Variants in VGLL3 observed in about 807,000 individuals in gnomAD.
VGLL3 encodes the protein vestigial like family member 3.
In VGLL3, 18 loss-of-function variants were observed where a neutral mutation model predicts 29.2. That is an observed-to-expected ratio of 0.62 (90% CI 0.43 to 0.91). The LOEUF (loss-of-function observed/expected upper bound fraction) is 0.91. Among genes scored for constraint, VGLL3 ranks in the 40% least tolerant of loss-of-function variants. The pLI, the probability that VGLL3 is intolerant of heterozygous loss-of-function variation, is 0.00. For missense variants in VGLL3, 440 were observed against 413.2 expected (o/e 1.06, Z -0.56); for synonymous variants, 180 against 151.8 (o/e 1.19, Z -1.36).
chr3:86,964,218 C>G (rs548295808), intron 3 of VGLL3, among the ~76,000 whole-genome samples: 2 of 152,238 alleles, frequency 1.3e-5, no homozygotes, highest in South Asian at 4.2e-4. Context: ...TAAGTTTTGT[C>G]TATAGCTGTT....
intron 1 of VGLL3, among the ~76,000 whole-genome samples, chr3:86,981,582 T>A (rs908218280): frequency 1.1e-4 from 16 of 151,988 alleles, no homozygotes; most frequent in Non-Finnish European, 1.5e-5. Context: ...TTTAAAATAT[T>A]TATACTGATT....
At chr3:86,980,798 C>A in intron 1 of VGLL3, among the ~76,000 whole-genome samples, 1 of 150,824 alleles carries the variant, frequency 6.6e-6, no homozygotes, top group South Asian at 2.1e-4. Context: ...TGCACACACT[C>A]TCTGCTGAAT....
chr3:86,955,074 T>C (rs1005919243), intron 3 of VGLL3, among the ~76,000 whole-genome samples: 1 of 151,590 alleles, frequency 6.6e-6, no homozygotes. Flanking sequence ...AAACAGATAA[T>C]CCAATCAAAG....
intron 2 of VGLL3, among the ~76,000 whole-genome samples, chr3:86,971,927 C>T (rs746634027): frequency 2.6e-5 from 4 of 152,144 alleles, no homozygotes; most frequent in Non-Finnish European, 2.9e-5. Flanking sequence ...TTCCATCTCC[C>T]GAGGGGCTAG....
intron 3 of VGLL3, among the ~76,000 whole-genome samples, chr3:86,960,282 G>T (rs889896166): frequency 6.6e-6 from 1 of 151,900 alleles, no homozygotes; most frequent in Non-Finnish European, 1.5e-5. Context: ...TAGTTTACTG[G>T]CCTTAAACCA....
chr3:86,965,216 A>C (rs1448592835), intron 3 of VGLL3, among the ~76,000 whole-genome samples: 1 of 152,120 alleles, frequency 6.6e-6, no homozygotes, highest in Non-Finnish European at 1.5e-5. Context: ...TCTTCTCAAA[A>C]TAGTTGGTTT....
chr3:86,940,244 T>C lies in VGLL3; in HGVS notation c.*6780A>G, dbSNP rs1273052712. Reference sequence around the variant, plus strand: ...CTTGGAATTCTCTTTTCAATGTTAATGAATCGTAGAAAAGTTTTTGTTTGT... The same window carrying C: ...CTTGGAATTCTCTTTTCAATGTTAACGAATCGTAGAAAAGTTTTTGTTTGT... On this transcript the variant is annotated 3_prime_UTR_variant, in exon 4 of 4. Coordinates refer to ENST00000398399, the MANE Select transcript of VGLL3 (RefSeq NM_016206.4). 6.6e-6 allele frequency: 1 copy of C among 152,346 alleles called. No homozygotes were observed. The highest frequency in any genetic ancestry group is 1.5e-5 in the Non-Finnish European group (1 of 68,032). The allele number at this position is 152,346 out of a possible 1,614,324, so 9.4% of individuals were successfully genotyped here.
At chr3:86,974,789 C>T (rs184434970) in intron 2 of VGLL3, among the ~76,000 whole-genome samples, 2 of 152,246 alleles carry the variant, frequency 1.3e-5, no homozygotes, top group East Asian at 1.9e-4. Flanking sequence ...TCAGCAGTTC[C>T]TTTCTAAGCA....
Position 86,968,787 on chromosome 3 carries a change from T to C in VGLL3, c.740A>G (p.His247Arg), listed in dbSNP as rs1705018228. Reference protein sequence around the residue: ...HHRHRHHHHHHHPPAGSALDP... With the variant: ...HHRHRHHHHHRHPPAGSALDP... The stretch of plus-strand genomic sequence containing the variant: ...CAGGGCAGAGCCAGCAGGAGGGTGG[T>C]GATGGTGATGATGGTGGCGGTGGCG... Residue 247 changes from histidine to arginine, a missense_variant, in exon 3 of 4, where the codon CAC becomes CGC. Physicochemically the swap from His to Arg is conservative, Grantham distance 29 (BLOSUM62 0). Transcript: ENST00000398399. 1 of 1,613,566 alleles carries C rather than the reference T, an allele frequency of 6.2e-7. No individual in the cohort carries two copies.
At chr3:86,959,755 A>C (rs2106988598) in intron 3 of VGLL3, among the ~76,000 whole-genome samples, 1 of 152,290 alleles carries the variant, frequency 6.6e-6, no homozygotes, top group Admixed American at 6.5e-5. Context: ...TTAGTACCCC[A>C]ATGAAATTAA....
chr3:86,944,649 C>T lies in VGLL3; in HGVS notation c.*2375G>A, dbSNP rs931554677. ...TTCTCAGTTCCTCAGAGCCAATAAA[C>T]TTTTTGTCTGACAGTTACCGGGAGA... On this transcript the variant is annotated 3_prime_UTR_variant, in exon 4 of 4. Coordinates refer to ENST00000398399, the MANE Select transcript of VGLL3 (RefSeq NM_016206.4). 4 of 152,200 alleles carry T rather than the reference C, an allele frequency of 2.6e-5. No individual in the cohort carries two copies. The highest frequency in any genetic ancestry group is 5.9e-5 in the Non-Finnish European group (4 of 68,056). 9.4% of individuals were successfully genotyped at this position (152,200 alleles called of 1,614,324 possible). A position where few individuals can be genotyped will look rare whatever the true frequency, so the allele number is the denominator to read the frequency against.
chr3:86,988,640 CAAAAAAAAAAAAAAAAAAAAAA>C (rs869098443), intron 1 of VGLL3, among the ~76,000 whole-genome samples: 15 of 13,760 alleles, frequency 1.1e-3, no homozygotes, highest in East Asian at 4.5e-3. Flanking sequence ...TTTACTTGAC[CAAAAAAAAAAAAAAAAAAAAAA>C]AAAAAAAAAA....
intron 3 of VGLL3, among the ~76,000 whole-genome samples, chr3:86,966,946 AC>A (rs927866318): frequency 1.3e-4 from 19 of 150,816 alleles, no homozygotes; most frequent in Non-Finnish European, 2.5e-4. Context: ...GGGAACAAAA[AC>A]CCTCTTGTCT....
rs115223562 is a variant in VGLL3 at position 86,953,687 on chromosome 3, C to T, written c.938-6620G>A. On this transcript the variant is annotated intron_variant, in intron 3 of 3. Coordinates refer to ENST00000398399, the MANE Select transcript of VGLL3 (RefSeq NM_016206.4). ...ACTGTTAGTGAGGCTGGATATTGTCCGATTATGGCATTTATTCCTCTGTGT... is the reference window on the plus strand; with the variant it reads ...ACTGTTAGTGAGGCTGGATATTGTCTGATTATGGCATTTATTCCTCTGTGT... Among the ~76,000 whole-genome samples, 404 of 151,904 alleles carry T rather than the reference C, an allele frequency of 2.7e-3. 1 individual carries two copies. The highest frequency in any genetic ancestry group is 4.3e-3 in the Non-Finnish European group (290 of 67,936).
At chr3:86,989,165 A>G (rs1367070062) in intron 1 of VGLL3, among the ~76,000 whole-genome samples, 3 of 152,338 alleles carry the variant, frequency 2.0e-5, no homozygotes, top group Middle Eastern at 3.4e-3. Flanking sequence ...ATTTGAAACA[A>G]CTTCTACTAG....
chr3:86,946,088 AT>A lies in VGLL3; in HGVS notation c.*935del, dbSNP rs879512594. On this transcript the variant is annotated 3_prime_UTR_variant, in exon 4 of 4. Coordinates refer to ENST00000398399, the MANE Select transcript of VGLL3 (RefSeq NM_016206.4). Reference sequence around the variant, plus strand: ...ACTCATAGGTGGCATGGTTAAATGCATTTTTTTCCTTGTAGTTGTATATAAC... The same window carrying A: ...ACTCATAGGTGGCATGGTTAAATGCATTTTTTCCTTGTAGTTGTATATAAC... 6.6e-6 allele frequency: 1 copy of A among 152,030 alleles called. No homozygotes were observed. The highest frequency in any genetic ancestry group is 1.5e-5 in the Non-Finnish European group (1 of 67,990). The allele number at this position is 152,030 out of a possible 1,614,324, so 9.4% of individuals were successfully genotyped here.
intron 3 of VGLL3, among the ~76,000 whole-genome samples, chr3:86,949,232 C>A (rs983284671): frequency 4.6e-5 from 7 of 152,182 alleles, no homozygotes; most frequent in African/African-American, 1.7e-4. Flanking sequence ...AAGATCGCCC[C>A]AGATTTTCCA....
chr3:86,988,658 A>AAAAAAAAAAAAAAAAAAAC (rs1705505759), intron 1 of VGLL3, among the ~76,000 whole-genome samples: 1 of 54,026 alleles, frequency 1.9e-5, no homozygotes, highest in Non-Finnish European at 4.4e-5. Flanking sequence ...AAAAAAAAAA[A>AAAAAAAAAAAAAAAAAAAC]AAAAAAAAAA....
intron 1 of VGLL3, among the ~76,000 whole-genome samples, chr3:86,988,099 G>C (rs1188467755): frequency 6.6e-6 from 1 of 152,138 alleles, no homozygotes; most frequent in African/African-American, 2.4e-5. Flanking sequence ...ACAGTTTGAG[G>C]GGGAAATTAG....
Sources: gnomAD v4.1 joint callset for allele counts (sites outside exome capture counted in the v4.1 genomes callset) on GRCh38, gnomAD v4.1.1 for gene constraint, MANE v1.5 for transcripts, NCBI Gene and HGNC (gene_info 2026-07-23, HGNC 2026-07-21) for gene names.